The following USP40 variants were observed in gnomAD, a reference collection of about 807,000 sequenced individuals.
USP40 encodes ubiquitin specific peptidase 40.
USP40 carries 143 observed loss-of-function variants against 166.2 expected under a neutral mutation model. The ratio of observed to expected loss-of-function variants is 0.86; its 90% confidence interval spans 0.75 to 0.99. The LOEUF (loss-of-function observed/expected upper bound fraction) is 0.99, where lower values mean the gene tolerates loss of function less well. Among genes scored for constraint, USP40 ranks in the 50% least tolerant of loss-of-function variants. The probability of loss-of-function intolerance (pLI) is 0.00; values close to 1 mark genes in which losing one functional copy is unlikely to be tolerated. For synonymous variants in USP40, 498 were observed against 524.0 expected, an observed-to-expected ratio of 0.95 and a Z score of 0.68; for missense variants, 1,444 against 1,479.7, an observed-to-expected ratio of 0.98 and a Z score of 0.40.
chr2:233,528,925 C>CT (rs1468074129), intron 12 of USP40, among the ~76,000 whole-genome samples: 2 of 152,220 alleles, frequency 1.3e-5, no homozygotes, highest in Non-Finnish European at 2.9e-5. Context: ...CACAAACCAT[C>CT]TCTTTAAGTA....
intron 12 of USP40, 117 bp downstream of exon 12, chr2:233,529,314 C>T (rs1258375263): frequency 6.4e-6 from 5 of 779,008 alleles, no homozygotes; most frequent in African/African-American, 3.5e-5. Context: ...CAGACACTTG[C>T]ATTAACAAGT....
chr2:233,533,655 A>T lies in USP40; in HGVS notation c.1295T>A (p.Met432Lys). 6.2e-7 allele frequency: 1 copy of T among 1,613,826 alleles called. No individual in the cohort carries two copies. The highest frequency in any genetic ancestry group is 8.5e-7 in the Non-Finnish European group (1 of 1,179,816). Residue 432 changes from methionine (M) to lysine (K), a missense_variant, in exon 11 of 32, where the codon ATG (methionine) becomes AAG (lysine). Coordinates refer to ENST00000678225, the MANE Select transcript of USP40 (RefSeq NM_001365479.2). ...TAAACCTGGGGATTCTGGAGGAAGCATCTTGAAAATTTGCTGGTCATTCCT... is the reference window on the plus strand; with the variant it reads ...TAAACCTGGGGATTCTGGAGGAAGCTTCTTGAAAATTTGCTGGTCATTCCT... ...FQRNDQQIFK[M>K]LPPESPGLNN...
chr2:233,549,704 T>C (rs2070375992), intron 7 of USP40, among the ~76,000 whole-genome samples: 1 of 152,110 alleles, frequency 6.6e-6, no homozygotes, highest in African/African-American at 2.4e-5. Flanking sequence ...GGTTGTCATG[T>C]GCCTCAAAGT....
In USP40 at chr2:233,512,556, C is replaced by T. The variant is rs1385267581; in HGVS notation, c.2437+13G>A. 1.3e-6 allele frequency: 2 copies of T among 1,568,966 alleles called. No homozygotes were observed. The highest frequency in any genetic ancestry group is 2.4e-5 in the South Asian group (2 of 82,512). ...GTATAAGCCACCTTTTGAAAGTTAT[C>T]AAAAAGATTTACCTGGACAAAGAAG... On this transcript the variant is annotated intron_variant, in intron 19 of 31. Transcript: ENST00000678225.
Position 233,477,625 on chromosome 2 carries a change from C to G in USP40, c.3600-122G>C, listed in dbSNP as rs139505508. The G allele has an allele frequency of 1.7e-3, 1,434 of 838,890 alleles. 7 individuals carry two copies. In the African/African-American group the frequency reaches 0.022, roughly 13 times the overall value. The allele number at this position is 838,890 out of a possible 1,614,324, so 52.0% of individuals were successfully genotyped here. On this transcript the variant is annotated intron_variant, in intron 31 of 31. Coordinates refer to ENST00000678225, the MANE Select transcript of USP40 (RefSeq NM_001365479.2). ...CCACAAGGACGTGCATTTGCAATTG[C>G]ACAGACAGATCTCAGCCACCTGCCA...
At chr2:233,561,284 A>G (rs1356686211) in intron 3 of USP40, 3 of 1,364,916 alleles carry the variant, frequency 2.2e-6, no homozygotes, top group Non-Finnish European at 3.0e-6. Flanking sequence ...AAAAGAACAA[A>G]GCTGGAGGCA....
intron 25 of USP40, among the ~76,000 whole-genome samples, chr2:233,491,603 CGTGTGT>C (rs3075066): frequency 0.21 from 31,894 of 149,816 alleles, 3,527 homozygotes; most frequent in African/African-American, 0.24. Flanking sequence ...ACCTGTTCCT[CGTGTGT>C]GTGTGTGTGT....
At chr2:233,529,593 G>T in intron 11 of USP40, 81 bp from the exon 12 acceptor site, 1 of 1,005,126 alleles carries the variant, frequency 9.9e-7, no homozygotes, top group Non-Finnish European at 1.4e-6. Context: ...GACTAGGAAG[G>T]ACTGTCCTAG....
Position 233,496,809 on chromosome 2 carries a change from C to G in USP40, c.2739G>C (p.Leu913=). The change falls in exon 24 of 32, where the codon CTG becomes CTC. Residue 913 remains leucine, a synonymous_variant. Coordinates refer to ENST00000678225, the MANE Select transcript of USP40 (RefSeq NM_001365479.2). ...CEEDATLKEL[L]ICSGDTLLLI... is the part of the protein sequence containing the mutation. Reference sequence around the variant, plus strand: ...AAAGCAAAGTATCTCCAGAACATATCAGAAGTTCTTTCAGTGTTGCATCCT... The same window carrying G: ...AAAGCAAAGTATCTCCAGAACATATGAGAAGTTCTTTCAGTGTTGCATCCT... The G allele has an allele frequency of 6.2e-7, 1 of 1,612,396 alleles. No individual in the cohort carries two copies. Among genetic ancestry groups the G allele is most frequent in the Non-Finnish European group, 8.5e-7 (1 of 1,179,280 alleles).
At position 233,562,648 on chromosome 2, in the gene USP40, T is replaced by A; in HGVS notation, c.267+88A>T. 3.1e-6 allele frequency: 3 copies of A among 962,620 alleles called. No homozygotes were observed. The South Asian group carries it at 5.5e-5, about 18-fold the overall frequency. 59.6% of individuals were successfully genotyped at this position (962,620 alleles called of 1,614,324 possible). ...AGTTAGTGGGTGCAGCGCACCAGCA[T>A]GGCACATGTATACATATGTAACTAA... On this transcript the variant is annotated intron_variant, in intron 3 of 31. Coordinates refer to ENST00000678225, the MANE Select transcript of USP40 (RefSeq NM_001365479.2).
In USP40 at chr2:233,565,302, A is replaced by G. The variant is rs2072039064; in HGVS notation, c.199+54T>C. The G allele has an allele frequency of 2.3e-6, 3 of 1,301,440 alleles. No homozygotes were observed. The South Asian group carries it at 4.1e-5, about 18-fold the overall frequency. 80.6% of individuals were successfully genotyped at this position (1,301,440 alleles called of 1,614,324 possible). The stretch of plus-strand genomic sequence containing the variant: ...TATTTGTGATTTTGCATAATTAATT[A>G]CATGTAAAGAAGATGGTACATATTG... On this transcript the variant is annotated intron_variant, in intron 2 of 31. Transcript: ENST00000678225.
At chr2:233,509,147 T>C (rs967806523) in intron 21 of USP40, among the ~76,000 whole-genome samples, 1 of 152,214 alleles carries the variant, frequency 6.6e-6, no homozygotes, top group African/African-American at 2.4e-5. Context: ...GGTTGGTCAC[T>C]CTTTCCAACC....
intron 25 of USP40, among the ~76,000 whole-genome samples, chr2:233,492,026 C>T (rs191272594): frequency 1.3e-5 from 2 of 152,266 alleles, no homozygotes; most frequent in South Asian, 2.1e-4. Flanking sequence ...GCTGACACTA[C>T]CGGAAAGATA....
intron 4 of USP40, among the ~76,000 whole-genome samples, chr2:233,558,293 C>G (rs1228089823): frequency 2.6e-5 from 4 of 151,148 alleles, no homozygotes; most frequent in Non-Finnish European, 5.9e-5. Context: ...AAAATTTTCA[C>G]AGCATTAAGA....
chr2:233,499,475 T>G (rs1054465617), intron 22 of USP40, among the ~76,000 whole-genome samples: 1 of 152,210 alleles, frequency 6.6e-6, no homozygotes, highest in Non-Finnish European at 1.5e-5. Flanking sequence ...AACATACATG[T>G]GCATGTATCT....
rs78113735 is a variant in USP40, at chr2:233,487,898, C to T, written c.3197+341G>A. ...AAAGTAGAATAAGGGGGCAGAGCGA[C>T]GGGAGCAATGATGAATCCGTTGGAT... On this transcript the variant is annotated intron_variant, in intron 28 of 31. Coordinates refer to ENST00000678225, the MANE Select transcript of USP40 (RefSeq NM_001365479.2). The T allele has an allele frequency of 3.9e-3, 2,101 of 538,224 alleles. 33 individuals are homozygous for T. Among genetic ancestry groups the T allele is most frequent in the African/African-American group, 0.034 (1,800 of 52,870 alleles). 33.3% of individuals were successfully genotyped at this position (538,224 alleles called of 1,614,324 possible).
At chr2:233,497,775 T>C (rs879726377) in intron 23 of USP40, among the ~76,000 whole-genome samples, 6 of 152,238 alleles carry the variant, frequency 3.9e-5, no homozygotes, top group African/African-American at 7.2e-5. Flanking sequence ...GCAGTCAAAC[T>C]CCTGCCCAGG....
In USP40 at chr2:233,525,335, G is replaced by A. The variant is rs566320955; in HGVS notation, c.1810+143C>T. ...AAACGTGGATATTTTATTTCTTTTG[G>A]AAAACTTACAGTGTGAAGATAATCT... On this transcript the variant is annotated intron_variant, in intron 14 of 31. Coordinates refer to ENST00000678225, the MANE Select transcript of USP40 (RefSeq NM_001365479.2). 4 of 497,614 alleles carry A rather than the reference G, an allele frequency of 8.0e-6. No individual in the cohort carries two copies. The East Asian group carries it at 9.3e-5, about 12-fold the overall frequency. The allele number at this position is 497,614 out of a possible 1,614,324, so 30.8% of individuals were successfully genotyped here.
intron 11 of USP40, among the ~76,000 whole-genome samples, chr2:233,533,267 A>T (rs1301988798): frequency 6.6e-6 from 1 of 152,226 alleles, no homozygotes; most frequent in Admixed American, 6.5e-5. Flanking sequence ...ACATTATTAC[A>T]GGGTAGAAAA....
Sources: gnomAD v4.1 joint callset for allele counts (sites outside exome capture counted in the v4.1 genomes callset) on GRCh38, gnomAD v4.1.1 for gene constraint, MANE v1.5 for transcripts, NCBI Gene and HGNC (gene_info 2026-07-23, HGNC 2026-07-21) for gene names.